SBNO1: variants seen among roughly 807,000 people sequenced by gnomAD.
SBNO1 encodes strawberry notch homolog 1.
A neutral mutation model predicts 173.6 loss-of-function variants in SBNO1; 23 were observed. The ratio of observed to expected loss-of-function variants is 0.13; its 90% CI spans 0.10 to 0.19. The LOEUF (loss-of-function observed/expected upper bound fraction) is 0.19. Ranked by LOEUF, SBNO1 falls within the 10% of genes least tolerant of loss-of-function variation. The pLI is 1.00. For missense variants in SBNO1, 1,238 were observed against 1,671.2 expected (o/e 0.74, Z 4.52); for synonymous variants, 632 against 571.5 (o/e 1.11, Z -1.51).
intron 1 of SBNO1, among the ~76,000 whole-genome samples, chr12:123,354,163 A>T (rs1198005411): frequency 6.6e-6 from 1 of 152,172 alleles, no homozygotes; most frequent in Non-Finnish European, 1.5e-5. Flanking sequence ...GTTATAAATA[A>T]CATTATCGGT....
At chr12:123,320,922 T>C (rs1213465937) in intron 17 of SBNO1, 56 bp from the exon 18 acceptor site, 2 of 1,339,158 alleles carry the variant, frequency 1.5e-6, no homozygotes, top group East Asian at 2.4e-5. Flanking sequence ...GTACAGAATC[T>C]TCAAAGGAAA....
At chr12:123,323,962 T>G (rs867315100) in intron 15 of SBNO1, 131 bp from the exon 16 acceptor site, 5 of 653,126 alleles carry the variant, frequency 7.7e-6, no homozygotes, top group African/African-American at 5.7e-5. Context: ...AAATAAATTT[T>G]AATTTTCTAG....
At chr12:123,322,144 T>C (rs955997185) in intron 16 of SBNO1, among the ~76,000 whole-genome samples, 2 of 152,192 alleles carry the variant, frequency 1.3e-5, no homozygotes, top group African/African-American at 2.4e-5. Context: ...TAAAACCTTT[T>C]TATTTTTGGA....
Position 123,298,083 on chromosome 12 carries a change from G to A in SBNO1, c.3934C>T (p.Leu1312=), listed in dbSNP as rs115621242. Residue 1312 remains leucine, a synonymous_variant, in exon 31 of 32, where the codon CTG becomes TTG. Coordinates refer to ENST00000602398, the MANE Select transcript of SBNO1 (RefSeq NM_001167856.3). ...CCCTCAACTTTTGTCCAGACACTCA[G>A]CACTGAACCACATAATACATAATAT... ...RTYYVLCGSV[L]SVWTKVEGVL... 2.4e-4 allele frequency: 390 copies of A among 1,613,208 alleles called. No homozygotes were observed. In the African/African-American group the frequency reaches 4.7e-3, roughly 19 times the overall value.
chr12:123,298,839 C>G (rs1402167457), intron 30 of SBNO1, among the ~76,000 whole-genome samples: 1 of 152,198 alleles, frequency 6.6e-6, no homozygotes, highest in Non-Finnish European at 1.5e-5. Context: ...CCTGTAATCA[C>G]AGCTCTTTGG....
Position 123,302,916 on chromosome 12 carries a change from G to T in SBNO1, c.3769-16C>A, listed in dbSNP as rs374445755. On this transcript the variant is annotated splice_polypyrimidine_tract_variant and intron_variant, in intron 29 of 31. Coordinates refer to ENST00000602398, the MANE Select transcript of SBNO1 (RefSeq NM_001167856.3). Reference sequence around the variant, plus strand: ...CTGAGACGACCTGTAAAAATGAGAAGAATTTCATTGAAAACAGTATTGCTT... The same window carrying T: ...CTGAGACGACCTGTAAAAATGAGAATAATTTCATTGAAAACAGTATTGCTT... 55 of 1,579,786 alleles carry T rather than the reference G, an allele frequency of 3.5e-5. No individual in the cohort carries two copies. Among genetic ancestry groups the T allele is most frequent in the Non-Finnish European group, 4.7e-5 (54 of 1,149,332 alleles).
intron 30 of SBNO1, 99 bp from the exon 31 acceptor site, chr12:123,298,270 C>CT (rs753453531): frequency 0.047 from 43,724 of 927,896 alleles, 33 homozygotes; most frequent in Non-Finnish European, 0.052. Context: ...CTTTTCTTTT[C>CT]TTTTTTTTTT....
chr12:123,350,148 G>A (rs950778534), intron 2 of SBNO1, among the ~76,000 whole-genome samples, 162 bp downstream of exon 2: 1 of 152,020 alleles, frequency 6.6e-6, no homozygotes, highest in Admixed American at 6.6e-5. Context: ...CAGCTACTTG[G>A]GGGGCTGAGG....
intron 24 of SBNO1, 24 bp downstream of exon 24, chr12:123,313,596 G>T: frequency 2.6e-6 from 3 of 1,171,194 alleles, no homozygotes; most frequent in Non-Finnish European, 2.5e-6. Flanking sequence ...CATTGTCATT[G>T]TTATGAATAT....
intron 16 of SBNO1, among the ~76,000 whole-genome samples, chr12:123,323,417 C>G (rs1208884567): frequency 6.6e-6 from 1 of 152,134 alleles, no homozygotes; most frequent in East Asian, 1.9e-4. Flanking sequence ...TGCAGCAGCG[C>G]TATCTCGGCT....
intron 31 of SBNO1, 87 bp downstream of exon 31, chr12:123,297,891 T>G: frequency 8.3e-7 from 1 of 1,204,956 alleles, no homozygotes; most frequent in Non-Finnish European, 1.2e-6. Context: ...TAGATGCATG[T>G]GGAATAAAGC....
chr12:123,360,809 A>G (rs1009632647), intron 1 of SBNO1, among the ~76,000 whole-genome samples: 3 of 152,116 alleles, frequency 2.0e-5, no homozygotes, highest in East Asian at 3.9e-4. Context: ...CAGTACTTTC[A>G]GTAAGGCACT....
chr12:123,291,860 C>T lies in SBNO1; in HGVS notation c.*4048G>A, dbSNP rs753456284. On this transcript the variant is annotated 3_prime_UTR_variant, in exon 32 of 32. Coordinates refer to ENST00000602398, the MANE Select transcript of SBNO1 (RefSeq NM_001167856.3). ...ATTTCTCTATATATACATTTATGTA[C>T]ATATATATAAATACAGCACAAAATT... 4 of 151,658 alleles carry T rather than the reference C, an allele frequency of 2.6e-5. No individual in the cohort carries two copies. Among genetic ancestry groups the T allele is most frequent in the Non-Finnish European group, 5.9e-5 (4 of 67,962 alleles). 9.4% of individuals were successfully genotyped at this position (151,658 alleles called of 1,614,324 possible). A position where few individuals can be genotyped will look rare whatever the true frequency, so the allele number is the denominator to read the frequency against.
In SBNO1 at chr12:123,334,119, A is replaced by C; in HGVS notation, c.843T>G (p.Ser281=). 1 of 1,607,126 alleles carries C rather than the reference A, an allele frequency of 6.2e-7. No individual in the cohort carries two copies. ...ACCAGCCATTATCAATGGTTTCCTCAGAAATGGATGTTTTGTACCAAACAT... is the reference window on the plus strand; with the variant it reads ...ACCAGCCATTATCAATGGTTTCCTCCGAAATGGATGTTTTGTACCAAACAT... ...PPDVWYKTSI[S]EETIDNGWLS... The change falls in exon 7 of 32, where the codon TCT becomes TCG. Residue 281 remains serine (S), a synonymous_variant. Coordinates refer to ENST00000602398, the MANE Select transcript of SBNO1 (RefSeq NM_001167856.3).
intron 1 of SBNO1, among the ~76,000 whole-genome samples, chr12:123,360,795 T>C (rs1360103061): frequency 6.6e-6 from 1 of 152,040 alleles, no homozygotes; most frequent in Non-Finnish European, 1.5e-5. Context: ...TGCCCCTTTT[T>C]CAACAGTACT....
At chr12:123,330,388 G>A (rs1871077451) in intron 9 of SBNO1, 31 bp downstream of exon 9, 1 of 1,243,558 alleles carries the variant, frequency 8.0e-7, no homozygotes, top group Admixed American at 1.8e-5. Context: ...AATATTTATT[G>A]AATGACCAAC....
intron 1 of SBNO1, among the ~76,000 whole-genome samples, chr12:123,351,486 G>A (rs1873876747): frequency 6.6e-6 from 1 of 152,108 alleles, no homozygotes; most frequent in Non-Finnish European, 1.5e-5. Flanking sequence ...AATTAGCCAA[G>A]TGTGGTGGTG....
At chr12:123,327,623 T>A in intron 12 of SBNO1, 44 bp from the exon 13 acceptor site, 2 of 1,600,632 alleles carry the variant, frequency 1.2e-6, no homozygotes, top group Non-Finnish European at 1.7e-6. Flanking sequence ...TACAGTAGAA[T>A]TTTAACATAC....
At chr12:123,296,963 C>T (rs1293392876) in intron 31 of SBNO1, among the ~76,000 whole-genome samples, 1 of 152,006 alleles carries the variant, frequency 6.6e-6, no homozygotes, top group African/African-American at 2.4e-5. Context: ...TCCCAAAATG[C>T]TGGGATTACA....
Sources: gnomAD v4.1 joint callset for allele counts (sites outside exome capture counted in the v4.1 genomes callset) on GRCh38, gnomAD v4.1.1 for gene constraint, MANE v1.5 for transcripts, NCBI Gene and HGNC (gene_info 2026-07-23, HGNC 2026-07-21) for gene names.